The following UTRN variants were observed in gnomAD, a reference collection of about 807,000 sequenced individuals.
The protein encoded by UTRN is utrophin, also known as dystrophin-related protein 1.
In UTRN, 283 loss-of-function variants were observed where a neutral mutation model predicts 463.9. The observed-to-expected ratio is 0.61, with a 90% CI of 0.55 to 0.67. UTRN has a LOEUF of 0.67. UTRN is among the 30% of genes least tolerant of loss of function. The pLI is 0.00. For synonymous variants in UTRN, 1,442 were observed against 1,431.5 expected (o/e 1.01, Z -0.17); for missense variants, 3,922 against 4,084.3 (o/e 0.96, Z 1.08).
chr6:144,794,126 T>G, intron 63 of UTRN, 135 bp downstream of exon 63: 5 of 1,257,848 alleles, frequency 4.0e-6, no homozygotes, highest in Non-Finnish European at 5.3e-6. Context: ...AGTGGTGTAT[T>G]TTATTTCCTA....
chr6:144,472,677 A>T (rs114574175), intron 23 of UTRN, among the ~76,000 whole-genome samples: 2,921 of 152,298 alleles, frequency 0.019, 80 homozygotes, highest in African/African-American at 0.066. Flanking sequence ...GTAGAAGACC[A>T]GAGAAAAACA....
intron 51 of UTRN, among the ~76,000 whole-genome samples, chr6:144,636,772 T>C (rs923821844): frequency 6.6e-6 from 1 of 152,216 alleles, no homozygotes; most frequent in African/African-American, 2.4e-5. Flanking sequence ...TTATTCTTTT[T>C]TCTTCGTTCA....
chr6:144,419,973 GACAC>G (rs60093118), intron 3 of UTRN, among the ~76,000 whole-genome samples: 15 of 148,004 alleles, frequency 1.0e-4, no homozygotes, highest in East Asian at 6.0e-4. Context: ...CACAGACACA[GACAC>G]ACACACACAC....
chr6:144,661,498 G>A (rs1343355725), intron 51 of UTRN, among the ~76,000 whole-genome samples: 2 of 152,118 alleles, frequency 1.3e-5, no homozygotes, highest in African/African-American at 4.8e-5. Flanking sequence ...ATGTGGTTAA[G>A]CATCTAAATT....
At chr6:144,388,999 C>T (rs995343241) in intron 2 of UTRN, among the ~76,000 whole-genome samples, 3 of 152,236 alleles carry the variant, frequency 2.0e-5, no homozygotes, top group South Asian at 2.1e-4. Flanking sequence ...GTTTATTTTG[C>T]TAAGATTGAG....
At chr6:144,675,181 G>A (rs994742378) in intron 51 of UTRN, among the ~76,000 whole-genome samples, 10 of 152,128 alleles carry the variant, frequency 6.6e-5, no homozygotes, top group African/African-American at 2.2e-4. Context: ...CCTTCCCCTA[G>A]GGATGGGGCT....
chr6:144,613,910 A>G (rs1805791503), intron 51 of UTRN, among the ~76,000 whole-genome samples: 1 of 152,080 alleles, frequency 6.6e-6, no homozygotes, highest in South Asian at 2.1e-4. Flanking sequence ...ATGCAAACAT[A>G]TATATTTTCA....
chr6:144,463,645 G>C (rs1383609666), intron 23 of UTRN, among the ~76,000 whole-genome samples: 1 of 150,858 alleles, frequency 6.6e-6, no homozygotes, highest in Admixed American at 6.6e-5. Context: ...CATCAGTCAG[G>C]GATCTTTGTC....
intron 2 of UTRN, among the ~76,000 whole-genome samples, chr6:144,396,648 G>T (rs564068585): frequency 6.6e-6 from 1 of 152,330 alleles, no homozygotes; most frequent in Admixed American, 6.5e-5. Flanking sequence ...TATGGTAGGT[G>T]AGTTCTATGG....
chr6:144,673,611 T>C (rs1362012453), intron 51 of UTRN, among the ~76,000 whole-genome samples: 2 of 152,176 alleles, frequency 1.3e-5, no homozygotes, highest in African/African-American at 2.4e-5. Flanking sequence ...TTCTGTATCT[T>C]TTAAGTGGAG....
chr6:144,719,491 C>T (rs1296620215), intron 53 of UTRN, among the ~76,000 whole-genome samples: 5 of 152,242 alleles, frequency 3.3e-5, no homozygotes, highest in Admixed American at 6.5e-5. Context: ...GCAGGAGAAT[C>T]GCTTGAACCC....
chr6:144,514,429 C>T (rs1168517452), intron 36 of UTRN, among the ~76,000 whole-genome samples: 1 of 152,178 alleles, frequency 6.6e-6, no homozygotes, highest in Non-Finnish European at 1.5e-5. Flanking sequence ...CTTTTGTATT[C>T]TCCAGCGAGT....
chr6:144,322,421 C>A (rs192862494), intron 2 of UTRN, among the ~76,000 whole-genome samples: 2 of 152,100 alleles, frequency 1.3e-5, no homozygotes, highest in Admixed American at 6.6e-5. Context: ...CAGCTAATCC[C>A]CCTAAATCTG....
intron 50 of UTRN, among the ~76,000 whole-genome samples, chr6:144,575,702 G>T (rs1801373143): frequency 6.6e-6 from 1 of 152,002 alleles, no homozygotes; most frequent in South Asian, 2.1e-4. Context: ...GAAAAAACAT[G>T]GTATATATAA....
At chr6:144,432,512 GATC>G (rs1785962356) in intron 9 of UTRN, among the ~76,000 whole-genome samples, 1 of 152,190 alleles carries the variant, frequency 6.6e-6, no homozygotes, top group African/African-American at 2.4e-5. Context: ...ATTTTTGAAA[GATC>G]ATTCTGGCTG....
chr6:144,810,387 G>A (rs1562938471), intron 65 of UTRN, among the ~76,000 whole-genome samples: 2 of 152,180 alleles, frequency 1.3e-5, no homozygotes, highest in African/African-American at 2.4e-5. Flanking sequence ...ATAGGAAATG[G>A]CATTATCATG....
intron 51 of UTRN, among the ~76,000 whole-genome samples, chr6:144,644,031 G>A (rs1192858433): frequency 6.6e-6 from 1 of 152,118 alleles, no homozygotes. Context: ...AATCACGTAT[G>A]ACTAATTTAT....
At chr6:144,459,388 G>A (rs755246985) in intron 21 of UTRN, 34 bp downstream of exon 21, 101 of 1,551,690 alleles carry the variant, frequency 6.5e-5, no homozygotes, top group Non-Finnish European at 8.1e-5. Flanking sequence ...TCCTGTCTCA[G>A]TTTGCCTTAA....
rs1240461059 is a variant in UTRN at position 144,552,312 on chromosome 6, C to A, written c.6928+1230C>A. Among the ~76,000 whole-genome samples the A allele has an allele frequency of 4.6e-5, 7 of 152,066 alleles. No individual in the cohort carries two copies. The East Asian group carries it at 1.3e-3, about 29-fold the overall frequency. ...GTTGGCTTATTTTTACTAAATACAT[C>A]ATTTTCCTTCTTTTCTCTTTTTATG... On this transcript the variant is annotated intron_variant, in intron 48 of 74. Transcript: ENST00000367545.
Sources: gnomAD v4.1 joint callset for allele counts (sites outside exome capture counted in the v4.1 genomes callset) on GRCh38, gnomAD v4.1.1 for gene constraint, MANE v1.5 for transcripts, NCBI Gene and HGNC (gene_info 2026-07-23, HGNC 2026-07-21) for gene names.